Variants in RBFOX1 observed in about 807,000 individuals in gnomAD.
RBFOX1 encodes RNA binding fox-1 homolog 1.
In RBFOX1, 8 loss-of-function variants were observed where a neutral mutation model predicts 57.7. The observed-to-expected ratio is 0.14, with a 90% CI of 0.08 to 0.25. The LOEUF (loss-of-function observed/expected upper bound fraction) is 0.25, where lower values mean the gene tolerates loss of function less well. Ranked by LOEUF, RBFOX1 falls within the 10% of genes least tolerant of loss-of-function variation. The pLI is 1.00. For synonymous variants in RBFOX1, 326 were observed against 222.4 expected (o/e 1.47, Z -4.15); for missense variants, 611 against 548.5 (o/e 1.11, Z -1.14).
At chr16:7,075,583 AT>A (rs1768086268) in intron 4 of RBFOX1, among the ~76,000 whole-genome samples, 1 of 151,022 alleles carries the variant, frequency 6.6e-6, no homozygotes, top group Non-Finnish European at 1.5e-5. Flanking sequence ...TTTTTTATTT[AT>A]TTTTCTTTTT....
At chr16:5,836,531 C>T (rs573518148) in intron 3 of RBFOX1, among the ~76,000 whole-genome samples, 1 of 152,342 alleles carries the variant, frequency 6.6e-6, no homozygotes, top group South Asian at 2.1e-4. Context: ...TTATTCTCTG[C>T]CCTTCACGTC....
chr16:6,708,149 G>T (rs997779549), intron 3 of RBFOX1, among the ~76,000 whole-genome samples: 3 of 152,094 alleles, frequency 2.0e-5, no homozygotes, highest in African/African-American at 2.4e-5. Flanking sequence ...GGGGAGCGGG[G>T]GATGTTGGGG....
intron 4 of RBFOX1, among the ~76,000 whole-genome samples, chr16:6,001,584 G>A (rs1385596878): frequency 1.3e-5 from 2 of 152,048 alleles, no homozygotes; most frequent in African/African-American, 2.4e-5. Flanking sequence ...TATACAAGAT[G>A]GATTTTAGAT....
intron 1 of RBFOX1, among the ~76,000 whole-genome samples, chr16:5,397,037 C>G (rs2066578873): frequency 6.6e-6 from 1 of 152,170 alleles, no homozygotes; most frequent in Non-Finnish European, 1.5e-5. Flanking sequence ...GCCATCCCTA[C>G]CAAAGGTCAT....
At chr16:6,983,928 C>A (rs568322029) in intron 3 of RBFOX1, among the ~76,000 whole-genome samples, 1 of 152,148 alleles carries the variant, frequency 6.6e-6, no homozygotes, top group Non-Finnish European at 1.5e-5. Context: ...CATAAGAGCA[C>A]AGTCTCTGCA....
intron 3 of RBFOX1, among the ~76,000 whole-genome samples, chr16:6,666,540 CA>C (rs35935992): frequency 0.3 from 24,132 of 81,360 alleles, 1,628 homozygotes; most frequent in African/African-American, 0.34. Context: ...ACTCTGTCTC[CA>C]AAAAAAAAAA....
chr16:5,455,007 CTTTCTTTCTTTCTT>C (rs2068582040), intron 1 of RBFOX1, among the ~76,000 whole-genome samples: 1 of 109,328 alleles, frequency 9.1e-6, no homozygotes, highest in Non-Finnish European at 2.0e-5. Context: ...TTCTTTCTTT[CTTTCTTTCTTTCTT>C]TCTCTCTCTC....
chr16:6,886,330 G>A (rs1454929689), intron 3 of RBFOX1, among the ~76,000 whole-genome samples: 2 of 151,980 alleles, frequency 1.3e-5, no homozygotes, highest in African/African-American at 4.8e-5. Context: ...CCAAAGTGCT[G>A]GGATTACTGG....
intron 3 of RBFOX1, among the ~76,000 whole-genome samples, chr16:5,617,704 C>T (rs2048079116): frequency 6.6e-6 from 1 of 152,112 alleles, no homozygotes; most frequent in Non-Finnish European, 1.5e-5. Context: ...TTTTTTCTGT[C>T]TTGTCTTTAT....
intron 4 of RBFOX1, among the ~76,000 whole-genome samples, chr16:7,073,116 A>G (rs912082306): frequency 3.9e-5 from 6 of 152,232 alleles, no homozygotes; most frequent in Admixed American, 6.5e-5. Context: ...CTTTAGGAGT[A>G]AAGTGTGTAT....
At chr16:7,237,753 C>T (rs529846080) in intron 4 of RBFOX1, among the ~76,000 whole-genome samples, 1 of 152,204 alleles carries the variant, frequency 6.6e-6, no homozygotes, top group Admixed American at 6.5e-5. Flanking sequence ...AGCCTGCAAT[C>T]CCAACACTTT....
intron 1 of RBFOX1, among the ~76,000 whole-genome samples, chr16:6,026,166 T>C (rs1221562881): frequency 6.6e-6 from 1 of 152,330 alleles, no homozygotes; most frequent in East Asian, 1.9e-4. Flanking sequence ...TTATATTTTA[T>C]TGAGTGACTC....
At chr16:5,869,708 C>G (rs2057423100) in intron 4 of RBFOX1, among the ~76,000 whole-genome samples, 1 of 152,106 alleles carries the variant, frequency 6.6e-6, no homozygotes, top group Non-Finnish European at 1.5e-5. Flanking sequence ...CGGCTGTTCA[C>G]AAGATATTTC....
chr16:7,545,101 G>A (rs546398585), intron 5 of RBFOX1, among the ~76,000 whole-genome samples: 5 of 151,884 alleles, frequency 3.3e-5, no homozygotes, highest in Non-Finnish European at 7.4e-5. Context: ...ATCATTCGAG[G>A]CAGGAATTAT....
chr16:6,821,361 C>G (rs190013654), intron 3 of RBFOX1, among the ~76,000 whole-genome samples: 3 of 152,176 alleles, frequency 2.0e-5, no homozygotes, highest in African/African-American at 7.2e-5. Context: ...CTAGTCTAGT[C>G]TTTGATACTG....
chr16:6,606,017 G>T (rs140711058), intron 2 of RBFOX1, among the ~76,000 whole-genome samples: 1 of 152,056 alleles, frequency 6.6e-6, no homozygotes, highest in African/African-American at 2.4e-5. Flanking sequence ...ACTGAGGCAG[G>T]AGGATCACTT....
chr16:6,992,946 C>G (rs1334297556), intron 3 of RBFOX1, among the ~76,000 whole-genome samples: 4 of 151,986 alleles, frequency 2.6e-5, no homozygotes, highest in Non-Finnish European at 4.4e-5. Context: ...AGAATGCAGA[C>G]TCCTTCTTCC....
At chr16:6,038,988 C>A (rs2095406199) in intron 1 of RBFOX1, 1 of 125,422 alleles carries the variant, frequency 8.0e-6, no homozygotes, top group Non-Finnish European at 1.6e-5. Context: ...GTCCTCTGCT[C>A]TCTTCATGTA....
At chr16:6,955,980 A>G (rs545111634) in intron 3 of RBFOX1, among the ~76,000 whole-genome samples, 1 of 152,330 alleles carries the variant, frequency 6.6e-6, no homozygotes, top group South Asian at 2.1e-4. Context: ...TGCTGGGATT[A>G]CAGATGTGAG....
Sources: gnomAD v4.1 joint callset for allele counts (sites outside exome capture counted in the v4.1 genomes callset) on GRCh38, gnomAD v4.1.1 for gene constraint, MANE v1.5 for transcripts, NCBI Gene and HGNC (gene_info 2026-07-23, HGNC 2026-07-21) for gene names.